CNOT4: variants seen among roughly 807,000 people sequenced by gnomAD.
CNOT4 encodes the protein CCR4-associated factor 4.
CNOT4 carries 8 observed loss-of-function variants against 73.8 expected under a neutral mutation model. That is an observed-to-expected ratio of 0.11 (90% CI 0.06 to 0.20). CNOT4 has a LOEUF of 0.20. Among genes scored for constraint, CNOT4 ranks in the 10% least tolerant of loss-of-function variants. CNOT4 has a pLI of 1.00. For synonymous variants in CNOT4, 293 were observed against 321.1 expected (o/e 0.91, Z 0.94); for missense variants, 564 against 883.4 (o/e 0.64, Z 4.58).
chr7:135,393,604 T>C (rs757378583), intron 10 of CNOT4, among the ~76,000 whole-genome samples: 2 of 152,192 alleles, frequency 1.3e-5, no homozygotes, highest in Non-Finnish European at 2.9e-5. Context: ...GACTTTATAG[T>C]ACCATAACTT....
At chr7:135,443,079 G>A (rs1304206122) in intron 1 of CNOT4, among the ~76,000 whole-genome samples, 2 of 150,632 alleles carry the variant, frequency 1.3e-5, no homozygotes, top group African/African-American at 2.4e-5. Flanking sequence ...CTGCAGGCAC[G>A]CTGGCTCACA....
chr7:135,386,313 C>T (rs1796117539), intron 10 of CNOT4: 1 of 151,836 alleles, frequency 6.6e-6, no homozygotes, highest in Admixed American at 6.6e-5. Flanking sequence ...GTTAAAAATT[C>T]CTATGTTAAG....
At chr7:135,485,628 A>T (rs1354760528) in intron 1 of CNOT4, among the ~76,000 whole-genome samples, 2 of 152,188 alleles carry the variant, frequency 1.3e-5, no homozygotes, top group Admixed American at 6.5e-5. Context: ...GCAATGATGC[A>T]CAAGCAATTC....
intron 10 of CNOT4, among the ~76,000 whole-genome samples, chr7:135,380,910 T>C (rs1415731162): frequency 6.6e-6 from 1 of 152,246 alleles, no homozygotes; most frequent in Non-Finnish European, 1.5e-5. Flanking sequence ...ATACAAATCA[T>C]TTTTAAGTTA....
chr7:135,389,035 A>G, intron 10 of CNOT4: 1 of 713,506 alleles, frequency 1.4e-6, no homozygotes, highest in Non-Finnish European at 2.2e-6. Context: ...GAAACAAGAC[A>G]TGAATTTTAA....
chr7:135,423,553 T>C (rs1585621548), intron 2 of CNOT4, among the ~76,000 whole-genome samples: 1 of 152,120 alleles, frequency 6.6e-6, no homozygotes, highest in East Asian at 1.9e-4. Flanking sequence ...TTTCACCTTA[T>C]ATTTCACAAC....
intron 1 of CNOT4, among the ~76,000 whole-genome samples, chr7:135,505,766 A>C (rs1007924162): frequency 3.3e-5 from 5 of 152,204 alleles, no homozygotes; most frequent in Non-Finnish European, 7.4e-5. Flanking sequence ...AAGGAGACAA[A>C]ATAGTGGTGA....
At chr7:135,398,512 A>AT (rs1383405792) in intron 7 of CNOT4, among the ~76,000 whole-genome samples, 1 of 152,040 alleles carries the variant, frequency 6.6e-6, no homozygotes, top group East Asian at 1.9e-4. Flanking sequence ...CAGAGTTCAG[A>AT]TTCTCAGATT....
intron 1 of CNOT4, among the ~76,000 whole-genome samples, chr7:135,455,110 G>A (rs1412217406): frequency 6.6e-6 from 1 of 151,710 alleles, no homozygotes; most frequent in Non-Finnish European, 1.5e-5. Context: ...GACAGGACAG[G>A]AAGAGAAAGA....
At chr7:135,499,654 C>A (rs188940285) in intron 1 of CNOT4, among the ~76,000 whole-genome samples, 248 of 150,818 alleles carry the variant, frequency 1.6e-3, no homozygotes, top group Non-Finnish European at 2.8e-3. Context: ...GGATTAAATA[C>A]AAATTTCCTG....
chr7:135,494,891 A>G (rs1803363934), intron 1 of CNOT4, among the ~76,000 whole-genome samples: 1 of 152,050 alleles, frequency 6.6e-6, no homozygotes, highest in Non-Finnish European at 1.5e-5. Context: ...TTCTTCTTCT[A>G]TTTTTTCTTC....
intron 1 of CNOT4, among the ~76,000 whole-genome samples, chr7:135,472,192 T>C (rs1037670123): frequency 1.3e-5 from 2 of 149,618 alleles, no homozygotes; most frequent in Non-Finnish European, 3.0e-5. Flanking sequence ...TATATAAATA[T>C]ACAGGCTGGG....
chr7:135,468,132 C>T (rs1801340875), intron 1 of CNOT4, among the ~76,000 whole-genome samples: 1 of 151,946 alleles, frequency 6.6e-6, no homozygotes, highest in Admixed American at 6.6e-5. Context: ...AGGAGAATGG[C>T]GTGAACCCGG....
intron 1 of CNOT4, among the ~76,000 whole-genome samples, chr7:135,452,068 C>T (rs1480257823): frequency 2.6e-5 from 4 of 151,478 alleles, no homozygotes; most frequent in South Asian, 2.1e-4. Context: ...GGCAACATAG[C>T]GAGACCCTAT....
chr7:135,489,160 C>T (rs771415397), intron 1 of CNOT4, among the ~76,000 whole-genome samples: 3 of 151,812 alleles, frequency 2.0e-5, no homozygotes, highest in African/African-American at 4.8e-5. Flanking sequence ...AGAAATATAA[C>T]GTAAATCACA....
In CNOT4 at chr7:135,501,618, A is replaced by C. The variant is rs115651422; in HGVS notation, c.-93+8271T>G. 4.3e-3 allele frequency among the ~76,000 whole-genome samples: 653 copies of C among 152,232 alleles called. 7 individuals are homozygous for C. Among genetic ancestry groups the C allele is most frequent in the African/African-American group, 0.015 (625 of 41,534 alleles). Reference sequence around the variant, plus strand: ...ATTGAACGAGTAATCTTTCTGAAAAACACTCTCATGTTTTCTCCTGCTCCC... The same window carrying C: ...ATTGAACGAGTAATCTTTCTGAAAACCACTCTCATGTTTTCTCCTGCTCCC... On this transcript the variant is annotated intron_variant, in intron 1 of 11. Transcript: ENST00000541284.
intron 1 of CNOT4, among the ~76,000 whole-genome samples, chr7:135,453,362 C>A (rs776641424): frequency 7.9e-5 from 12 of 152,036 alleles, no homozygotes; most frequent in Non-Finnish European, 1.5e-4. Context: ...TAGTCACTTA[C>A]ATTCTACCAC....
Position 135,401,275 on chromosome 7 carries a change from C to T in CNOT4, c.822-3049G>A, listed in dbSNP as rs560901807. Among the ~76,000 whole-genome samples the T allele has an allele frequency of 1.5e-4, 23 of 152,256 alleles. No individual in the cohort carries two copies. In the South Asian group the frequency reaches 3.9e-3, roughly 26 times the overall value. On this transcript the variant is annotated intron_variant, in intron 7 of 11. Transcript: ENST00000541284. Reference sequence around the variant, plus strand: ...ATTTCTTTTACTTTCAGCATCCACCCACCCATTATATGCCAAGAGGGTAAC... The same window carrying T: ...ATTTCTTTTACTTTCAGCATCCACCTACCCATTATATGCCAAGAGGGTAAC...
chr7:135,416,485 T>G (rs147749841), intron 3 of CNOT4, among the ~76,000 whole-genome samples: 136 of 152,292 alleles, frequency 8.9e-4, no homozygotes, highest in African/African-American at 3.2e-3. Context: ...CCCTGAGGGA[T>G]ATGATAGTAA....
Sources: allele counts gnomAD v4.1 joint callset (sites outside exome capture counted in the v4.1 genomes callset), GRCh38; gene constraint gnomAD v4.1.1; transcripts MANE v1.5; gene names NCBI Gene and HGNC (gene_info 2026-07-23, HGNC 2026-07-21).